PCDHGB1: variants seen among roughly 807,000 people sequenced by gnomAD.
PCDHGB1 encodes protocadherin gamma-B1.
Under a neutral mutation model 56.6 loss-of-function variants are expected in PCDHGB1, and 34 were observed. The observed-to-expected ratio is 0.60, with a 90% CI of 0.46 to 0.80. The LOEUF is 0.80. PCDHGB1 is among the 30% of genes least tolerant of loss of function. PCDHGB1 has a pLI of 0.00. For synonymous variants in PCDHGB1, 561 were observed against 505.9 expected (o/e 1.11, Z -1.46); for missense variants, 1,278 against 1,204.6 (o/e 1.06, Z -0.90).
rs2099389707 is a variant in PCDHGB1, at chr5:141,476,358, G to A, written c.2410-18449G>A. On this transcript the variant is annotated intron_variant, in intron 1 of 3. Transcript: ENST00000523390. This position sits in a 1 kb window ranked among gnomAD's most constrained non-coding sequence, Gnocchi z 7.6. ...AGCCGAAGATTCTTTGAGGTGAACC[G>A]GGAGACCGGAGAGATGTTTGTGAAC... 6.2e-7 allele frequency: 1 copy of A among 1,614,134 alleles called. No individual in the cohort carries two copies. The highest frequency in any genetic ancestry group is 8.5e-7 in the Non-Finnish European group (1 of 1,180,022).
At chr5:141,370,488 C>A (rs758506114) in intron 1 of PCDHGB1, 2 of 1,613,906 alleles carry the variant, frequency 1.2e-6, no homozygotes, top group Admixed American at 3.3e-5. Flanking sequence ...TCTCTCCGAA[C>A]CGATCCGCTA....
chr5:141,495,000 G>A lies in PCDHGB1; in HGVS notation c.2468+135G>A, dbSNP rs191756104. ...AGTTTGAGATCCCAGGGAGGTCTTG[G>A]TGTGCGGGGGGCTGGCACACAGACC... On this transcript the variant is annotated intron_variant, in intron 2 of 3. Transcript: ENST00000523390. 1.3e-4 allele frequency: 202 copies of A among 1,531,656 alleles called. 2 individuals carry two copies. The African/African-American group carries it at 2.4e-3, about 19-fold the overall frequency. The allele number at this position is 1,531,656 out of a possible 1,614,324, so 94.9% of individuals were successfully genotyped here. A position where few individuals can be genotyped will look rare whatever the true frequency, so the allele number is the denominator to read the frequency against.
At chr5:141,454,131 G>A (rs754465889) in intron 1 of PCDHGB1, among the ~76,000 whole-genome samples, 2 of 152,334 alleles carry the variant, frequency 1.3e-5, no homozygotes, top group South Asian at 2.1e-4. Flanking sequence ...AGCTGACCAT[G>A]GGAATGTTCA....
chr5:141,406,183 C>T (rs1048428263), intron 1 of PCDHGB1, among the ~76,000 whole-genome samples: 5 of 151,756 alleles, frequency 3.3e-5, no homozygotes, highest in Admixed American at 6.6e-5. Flanking sequence ...TGCAATCCTC[C>T]CACCTCAGCC....
At position 141,351,746 on chromosome 5, in the gene PCDHGB1, G is replaced by C. The variant is rs370474605; in HGVS notation, c.1486G>C (p.Glu496Gln). The C allele has an allele frequency of 1.9e-6, 3 of 1,613,680 alleles. No homozygotes were observed. ...TCTGGCCAGTGACCTGGAGCCGCGG[G>C]AGCTGTTGTCCTACGTGTCCGTGAG... ...SILASDLEPR[E>Q]LLSYVSVSPQ... is the part of the protein sequence containing the mutation. The change falls in exon 1 of 4, where the codon GAG becomes CAG. Residue 496 changes from glutamate (E) to glutamine (Q), a missense_variant. By Grantham distance (29) the Glu-to-Gln change is conservative (BLOSUM62 2). Coordinates refer to ENST00000523390, the MANE Select transcript of PCDHGB1 (RefSeq NM_018922.3).
intron 1 of PCDHGB1, chr5:141,385,051 C>T (rs1222079447): frequency 2.5e-6 from 4 of 1,614,036 alleles, no homozygotes; most frequent in Admixed American, 1.7e-5. Flanking sequence ...CAGGCTGCGG[C>T]GCTGGCACAA....
At chr5:141,408,643 C>T (rs751905674) in intron 1 of PCDHGB1, 3 of 1,613,910 alleles carry the variant, frequency 1.9e-6, no homozygotes, top group Non-Finnish European at 1.7e-6. Context: ...AATCTGCATC[C>T]GCTGGTACAC....
chr5:141,431,673 G>A lies in PCDHGB1; in HGVS notation c.2410-63134G>A. On this transcript the variant is annotated intron_variant, in intron 1 of 3. Coordinates refer to ENST00000523390, the MANE Select transcript of PCDHGB1 (RefSeq NM_018922.3). The surrounding 1 kb of genome is among the most constrained non-coding windows in gnomAD (Gnocchi z 4.8). ...AATTCAGGGACAATATCAACAATAG[G>A]GGAGTTGGACCACGAGGAGTCAGGA... 1 of 1,614,214 alleles carries A rather than the reference G, an allele frequency of 6.2e-7. No homozygotes were observed. The highest frequency in any genetic ancestry group is 8.5e-7 in the Non-Finnish European group (1 of 1,180,044).
In PCDHGB1 at chr5:141,421,780, G is replaced by A. The variant is rs1259671007; in HGVS notation, c.2409+69111G>A. On this transcript the variant is annotated intron_variant, in intron 1 of 3. Coordinates refer to ENST00000523390, the MANE Select transcript of PCDHGB1 (RefSeq NM_018922.3). ...TAATTACTTTTCCTTGCAACTGCGGGGCAGAACGGATGGGGCCAAGAATCC... is the reference window on the plus strand; with the variant it reads ...TAATTACTTTTCCTTGCAACTGCGGAGCAGAACGGATGGGGCCAAGAATCC... The A allele has an allele frequency of 2.5e-6, 4 of 1,613,856 alleles. No homozygotes were observed. In the South Asian group the frequency reaches 4.4e-5, roughly 18 times the overall value.
chr5:141,476,049 C>T lies in PCDHGB1; in HGVS notation c.2410-18758C>T. 2.0e-6 allele frequency: 3 copies of T among 1,501,848 alleles called. No homozygotes were observed. The South Asian group carries it at 4.0e-5, about 20-fold the overall frequency. 93.0% of individuals were successfully genotyped at this position (1,501,848 alleles called of 1,614,324 possible). ...CGCCCAGCGCCCAAGCGCTAACCCG[C>T]TGAAAGTTTCTCAGCGAAATCTCAG... On this transcript the variant is annotated intron_variant, in intron 1 of 3. Coordinates refer to ENST00000523390, the MANE Select transcript of PCDHGB1 (RefSeq NM_018922.3). This position sits in a 1 kb window ranked among gnomAD's most constrained non-coding sequence, Gnocchi z 7.6.
chr5:141,489,334 C>T lies in PCDHGB1; in HGVS notation c.2410-5473C>T, dbSNP rs768635851. On this transcript the variant is annotated intron_variant, in intron 1 of 3. Transcript: ENST00000523390. This position sits in a 1 kb window ranked among gnomAD's most constrained non-coding sequence, Gnocchi z 4.5. ...CTGGGGCTGGGTGTCTGGGCAGCTTCGTTACTCAGTGGTGGAGGAGTCTGA... is the reference window on the plus strand; with the variant it reads ...CTGGGGCTGGGTGTCTGGGCAGCTTTGTTACTCAGTGGTGGAGGAGTCTGA... The T allele has an allele frequency of 3.7e-6, 6 of 1,606,732 alleles. No individual in the cohort carries two copies. The highest frequency in any genetic ancestry group is 1.1e-5 in the South Asian group (1 of 90,048).
chr5:141,415,487 A>C, intron 1 of PCDHGB1: 1 of 1,614,170 alleles, frequency 6.2e-7, no homozygotes, highest in Non-Finnish European at 8.5e-7. Context: ...CGAAAGAGTC[A>C]CCTGATCTTC....
At chr5:141,353,788 C>T (rs1002916622) in intron 1 of PCDHGB1, among the ~76,000 whole-genome samples, 1 of 152,172 alleles carries the variant, frequency 6.6e-6, no homozygotes, top group Non-Finnish European at 1.5e-5. Flanking sequence ...AAATTTATTT[C>T]CAAACATCTT....
At chr5:141,427,400 A>T in intron 1 of PCDHGB1, 1 of 461,200 alleles carries the variant, frequency 2.2e-6, no homozygotes, top group Non-Finnish European at 4.3e-6. Context: ...CACATGATAA[A>T]GATTCGAGAG....
At chr5:141,499,022 AAGG>A (rs2099788758) in intron 2 of PCDHGB1, among the ~76,000 whole-genome samples, 3 of 150,722 alleles carry the variant, frequency 2.0e-5, no homozygotes, top group Non-Finnish European at 3.0e-5. Context: ...GGAAGGAAGG[AAGG>A]AAGAAAAGAA....
intron 3 of PCDHGB1, among the ~76,000 whole-genome samples, chr5:141,510,533 C>A (rs1366903068): frequency 6.6e-6 from 1 of 152,118 alleles, no homozygotes; most frequent in Non-Finnish European, 1.5e-5. Flanking sequence ...GAGAGAAATA[C>A]CAGCGAATGT....
At position 141,447,418 on chromosome 5, in the gene PCDHGB1, G is replaced by A. The variant is rs113957183; in HGVS notation, c.2410-47389G>A. On this transcript the variant is annotated intron_variant, in intron 1 of 3. Transcript: ENST00000523390. ...CTCCCAAAGTGCTGGGATTACAGGC[G>A]TGAGCCACCGCACCCGGAGGAAATT... Among the ~76,000 whole-genome samples, 1,263 of 152,230 alleles carry A rather than the reference G, an allele frequency of 8.3e-3. 17 individuals carry two copies. The highest frequency in any genetic ancestry group is 0.029 in the African/African-American group (1,197 of 41,538).
intron 1 of PCDHGB1, chr5:141,410,123 C>A: frequency 1.2e-6 from 2 of 1,612,780 alleles, no homozygotes; most frequent in Non-Finnish European, 1.7e-6. Flanking sequence ...AGCCCGCCAG[C>A]GCCTGCTGGT....
intron 1 of PCDHGB1, among the ~76,000 whole-genome samples, chr5:141,474,185 C>T (rs1481544975): frequency 1.3e-5 from 2 of 152,180 alleles, no homozygotes; most frequent in Non-Finnish European, 2.9e-5. Flanking sequence ...AAACTACTTA[C>T]ATTTTTAAAA....
Sources: allele counts gnomAD v4.1 joint callset (sites outside exome capture counted in the v4.1 genomes callset), GRCh38; gene constraint gnomAD v4.1.1; non-coding constraint Gnocchi (gnomAD v3.1); transcripts MANE v1.5; gene names NCBI Gene and HGNC (gene_info 2026-07-23, HGNC 2026-07-21).